Variants in IQCH observed in about 807,000 individuals in gnomAD.
IQCH encodes the protein IQ domain-containing protein H.
A neutral mutation model predicts 117.0 loss-of-function variants in IQCH; 98 were observed. The observed-to-expected ratio is 0.84, with a 90% CI of 0.71 to 0.99. IQCH has a LOEUF of 0.99. Ranked by LOEUF, IQCH falls within the 50% of genes least tolerant of loss-of-function variation. The pLI, the probability that IQCH is intolerant of heterozygous loss-of-function variation, is 0.00. For missense variants in IQCH, 1,102 were observed against 1,243.8 expected (o/e 0.89, Z 1.72); for synonymous variants, 412 against 448.2 (o/e 0.92, Z 1.02).
chr15:67,488,199 T>C (rs2141083340), intron 18 of IQCH, among the ~76,000 whole-genome samples: 3 of 152,174 alleles, frequency 2.0e-5, no homozygotes, highest in Admixed American at 2.0e-4. Context: ...ATGCCTGTGG[T>C]CCCAACTACT....
intron 4 of IQCH, among the ~76,000 whole-genome samples, chr15:67,332,727 G>A (rs1439306299): frequency 1.3e-5 from 2 of 152,136 alleles, no homozygotes; most frequent in African/African-American, 2.4e-5. Context: ...CATCAAGAGA[G>A]TTCTAATTTT....
At chr15:67,326,574 G>A (rs1434181532) in intron 4 of IQCH, among the ~76,000 whole-genome samples, 1 of 152,052 alleles carries the variant, frequency 6.6e-6, no homozygotes, top group Non-Finnish European at 1.5e-5. Flanking sequence ...CTAGTTTGCT[G>A]TCCCACCAGC....
In IQCH at chr15:67,494,388, G is replaced by T. The variant is rs765549902; in HGVS notation, c.2970+22G>T. 2 of 1,503,884 alleles carry T rather than the reference G, an allele frequency of 1.3e-6. No individual in the cohort carries two copies. The highest frequency in any genetic ancestry group is 2.3e-5 in the East Asian group (1 of 44,302). 93.2% of individuals were successfully genotyped at this position (1,503,884 alleles called of 1,614,324 possible). A position where few individuals can be genotyped will look rare whatever the true frequency, so the allele number is the denominator to read the frequency against. On this transcript the variant is annotated intron_variant, in intron 20 of 20. Transcript: ENST00000335894. This position sits in a 1 kb window ranked among gnomAD's most constrained non-coding sequence, Gnocchi z 5.5. ...TAAGGTGAGGTGTTAATTAACTAACGATTCTGGTTAATTTCTATACAAGGG... is the reference window on the plus strand; with the variant it reads ...TAAGGTGAGGTGTTAATTAACTAACTATTCTGGTTAATTTCTATACAAGGG...
chr15:67,327,304 A>G (rs774602070), intron 4 of IQCH, among the ~76,000 whole-genome samples: 30 of 152,296 alleles, frequency 2.0e-4, no homozygotes, highest in Non-Finnish European at 3.1e-4. Context: ...ATGCAAAATT[A>G]TTGGTATTTC....
chr15:67,286,983 A>T (rs893703591), intron 4 of IQCH, among the ~76,000 whole-genome samples: 7 of 152,110 alleles, frequency 4.6e-5, no homozygotes, highest in Admixed American at 4.6e-4. Context: ...TTCTTGTGAA[A>T]CGTTGTTGAA....
rs2081502706 is a variant in IQCH at position 67,413,538 on chromosome 15, T to G, written c.2098-3393T>G. ...GAGCTGCAGGTCCTGCTGTATTTTT[T>G]TGGTTTGTTTTGTAGGGATAGGAAG... On this transcript the variant is annotated intron_variant, in intron 14 of 20. Transcript: ENST00000335894. The surrounding 1 kb of genome is among the most constrained non-coding windows in gnomAD (Gnocchi z 5.0). 6.6e-6 allele frequency: 1 copy of G among 152,206 alleles called. No homozygotes were observed. Among genetic ancestry groups the G allele is most frequent in the Non-Finnish European group, 1.5e-5 (1 of 68,040 alleles). 9.4% of individuals were successfully genotyped at this position (152,206 alleles called of 1,614,324 possible).
At position 67,364,394 on chromosome 15, in the gene IQCH, T is replaced by C. The variant is rs1013983525; in HGVS notation, c.753+4509T>C. ...ATTAAACTTTCCAAATGAATTGAAA[T>C]TATATAGTTTTATTTGCCAAACAAT... On this transcript the variant is annotated intron_variant, in intron 8 of 20. Coordinates refer to ENST00000335894, the MANE Select transcript of IQCH (RefSeq NM_001031715.3). The surrounding 1 kb of genome is among the most constrained non-coding windows in gnomAD (Gnocchi z 4.1). Among the ~76,000 whole-genome samples, 4 of 152,188 alleles carry C rather than the reference T, an allele frequency of 2.6e-5. No individual in the cohort carries two copies. The highest frequency in any genetic ancestry group is 4.4e-5 in the Non-Finnish European group (3 of 68,030).
At position 67,436,879 on chromosome 15, in the gene IQCH, CACA is replaced by C. The variant is rs1337799070; in HGVS notation, c.2505+15306_2505+15308del. ...ACCTGGGAACCTCACCCTCATCCCC[CACA>C]ACAGCTGCAGCAAGATCTGCCCAAG... On this transcript the variant is annotated intron_variant, in intron 16 of 20. Coordinates refer to ENST00000335894, the MANE Select transcript of IQCH (RefSeq NM_001031715.3). This position sits in a 1 kb window ranked among gnomAD's most constrained non-coding sequence, Gnocchi z 5.1. Among the ~76,000 whole-genome samples the C allele has an allele frequency of 1.3e-5, 2 of 152,134 alleles. No individual in the cohort carries two copies. The highest frequency in any genetic ancestry group is 2.9e-5 in the Non-Finnish European group (2 of 68,022).
At chr15:67,303,746 ATAAC>A (rs934665366) in intron 4 of IQCH, among the ~76,000 whole-genome samples, 1 of 152,068 alleles carries the variant, frequency 6.6e-6, no homozygotes, top group African/African-American at 2.4e-5. Flanking sequence ...CATGTCAACA[ATAAC>A]TAATTTGAAT....
intron 14 of IQCH, among the ~76,000 whole-genome samples, chr15:67,412,633 A>T (rs185465128): frequency 8.0e-4 from 122 of 152,154 alleles, no homozygotes; most frequent in African/African-American, 2.9e-3. Flanking sequence ...TCCTGACCTC[A>T]AGTGATCCAC....
At chr15:67,279,885 C>T (rs949594972) in intron 4 of IQCH, among the ~76,000 whole-genome samples, 3 of 151,812 alleles carry the variant, frequency 2.0e-5, no homozygotes, top group Admixed American at 6.6e-5. Flanking sequence ...GCCTGGTACT[C>T]GCCTGGTACT....
intron 4 of IQCH, among the ~76,000 whole-genome samples, chr15:67,336,193 A>G (rs1596205759): frequency 1.3e-5 from 2 of 152,288 alleles, no homozygotes; most frequent in Middle Eastern, 3.4e-3. Context: ...AGTTATGTAA[A>G]TTAATTAATG....
chr15:67,284,237 C>A lies in IQCH; in HGVS notation c.387+4725C>A, dbSNP rs1044769197. Among the ~76,000 whole-genome samples the A allele has an allele frequency of 1.1e-4, 17 of 152,168 alleles. 1 individual carries two copies. Among genetic ancestry groups the A allele is most frequent in the African/African-American group, 4.1e-4 (17 of 41,442 alleles). ...TAGTAACTATCCTTCTACTTTCCAT[C>A]TTCATGAGTTCAACTATTTTAATTT... is the stretch of plus-strand genomic sequence containing the variant. On this transcript the variant is annotated intron_variant, in intron 4 of 20. Coordinates refer to ENST00000335894, the MANE Select transcript of IQCH (RefSeq NM_001031715.3).
At chr15:67,324,077 G>T (rs971528585) in intron 4 of IQCH, among the ~76,000 whole-genome samples, 1 of 150,848 alleles carries the variant, frequency 6.6e-6, no homozygotes, top group African/African-American at 2.4e-5. Flanking sequence ...CCAAGCAGCT[G>T]GGATTACAGG....
intron 4 of IQCH, among the ~76,000 whole-genome samples, chr15:67,305,641 A>G (rs1967257632): frequency 6.6e-6 from 1 of 152,114 alleles, no homozygotes; most frequent in African/African-American, 2.4e-5. Flanking sequence ...TCTAGAATTA[A>G]TATTGGCTTA....
chr15:67,325,860 CTT>C (rs1448883010), intron 4 of IQCH, among the ~76,000 whole-genome samples: 1 of 152,078 alleles, frequency 6.6e-6, no homozygotes, highest in Non-Finnish European at 1.5e-5. Context: ...GTGCCATAGA[CTT>C]TTATCATTTT....
At chr15:67,450,419 A>G (rs9796659) in intron 16 of IQCH, among the ~76,000 whole-genome samples, 21,164 of 152,024 alleles carry the variant, frequency 0.14, 1,525 homozygotes, top group East Asian at 0.21. Context: ...TTTATTGAGA[A>G]TTTTTAGCAT....
chr15:67,492,064 G>C (rs2083669519), intron 19 of IQCH, among the ~76,000 whole-genome samples: 1 of 152,172 alleles, frequency 6.6e-6, no homozygotes, highest in African/African-American at 2.4e-5. Flanking sequence ...TTGACACGGT[G>C]ATGTCAGGGC....
rs1206946740 is a variant in IQCH at position 67,393,977 on chromosome 15, T to A, written c.1633-1314T>A. Among the ~76,000 whole-genome samples, 1 of 152,076 alleles carries A rather than the reference T, an allele frequency of 6.6e-6. No homozygotes were observed. Among genetic ancestry groups the A allele is most frequent in the Non-Finnish European group, 1.5e-5 (1 of 67,998 alleles). On this transcript the variant is annotated intron_variant, in intron 12 of 20. Coordinates refer to ENST00000335894, the MANE Select transcript of IQCH (RefSeq NM_001031715.3). This position sits in a 1 kb window ranked among gnomAD's most constrained non-coding sequence, Gnocchi z 5.5. Reference sequence around the variant, plus strand: ...GTAATTTTTATTCTTATCTAACAGGTGAAGAAATAGGCTCAGGGGGTCTAA... The same window carrying A: ...GTAATTTTTATTCTTATCTAACAGGAGAAGAAATAGGCTCAGGGGGTCTAA...
Sources: allele counts gnomAD v4.1 joint callset (sites outside exome capture counted in the v4.1 genomes callset), GRCh38; gene constraint gnomAD v4.1.1; non-coding constraint Gnocchi (gnomAD v3.1); transcripts MANE v1.5; gene names NCBI Gene and HGNC (gene_info 2026-07-23, HGNC 2026-07-21).